The following PLEKHA5 variants were observed in gnomAD, a reference collection of about 807,000 sequenced individuals.
The protein encoded by PLEKHA5 is pleckstrin homology domain-containing family A member 5.
Under a neutral mutation model 181.9 loss-of-function variants are expected in PLEKHA5, and 55 were observed. The observed-to-expected ratio is 0.30, with a 90% confidence interval of 0.24 to 0.38. The LOEUF (loss-of-function observed/expected upper bound fraction) is 0.38, where lower values mean the gene tolerates loss of function less well. PLEKHA5 is among the 10% of genes least tolerant of loss of function. The pLI, the probability that PLEKHA5 is intolerant of heterozygous loss-of-function variation, is 1.00. For synonymous variants in PLEKHA5, 535 were observed against 529.4 expected, an observed-to-expected ratio of 1.01 and a Z score of -0.15; for missense variants, 1,432 against 1,549.5, an observed-to-expected ratio of 0.92 and a Z score of 1.27.
At chr12:19,334,858 A>ATC (rs2093253049) in intron 20 of PLEKHA5, among the ~76,000 whole-genome samples, 1 of 65,654 alleles carries the variant, frequency 1.5e-5, no homozygotes, top group Non-Finnish European at 3.5e-5. Context: ...ATATATATAT[A>ATC]TATATATATA....
Position 19,136,027 on chromosome 12 carries a change from G to A in PLEKHA5, c.227+3577G>A, listed in dbSNP as rs148619565. Among the ~76,000 whole-genome samples, 4 of 151,854 alleles carry A rather than the reference G, an allele frequency of 2.6e-5. No homozygotes were observed. In the East Asian group the frequency reaches 7.8e-4, roughly 30 times the overall value. On this transcript the variant is annotated intron_variant, in intron 3 of 31. Transcript: ENST00000429027. ...TACGAGTAGCTGGGACCACAAGTGT[G>A]TACCACCATGCCTGGCTAATTTGAT...
At chr12:19,197,729 TG>T (rs1335657583) in intron 3 of PLEKHA5, among the ~76,000 whole-genome samples, 3 of 115,914 alleles carry the variant, frequency 2.6e-5, no homozygotes, top group Non-Finnish European at 5.2e-5. Flanking sequence ...TGTGTGTGTG[TG>T]TGTTTAAGTC....
At chr12:19,216,331 C>G (rs148631283) in intron 3 of PLEKHA5, among the ~76,000 whole-genome samples, 11 of 152,190 alleles carry the variant, frequency 7.2e-5, no homozygotes, top group African/African-American at 2.4e-4. Flanking sequence ...ATAGGTGATT[C>G]TTAGAGGTCC....
At chr12:19,328,235 A>T (rs2092445107) in intron 20 of PLEKHA5, among the ~76,000 whole-genome samples, 1 of 152,088 alleles carries the variant, frequency 6.6e-6, no homozygotes, top group Non-Finnish European at 1.5e-5. Flanking sequence ...CTGTAGCCTT[A>T]TAGTATAGTT....
intron 26 of PLEKHA5, among the ~76,000 whole-genome samples, chr12:19,355,643 A>G (rs2094887834): frequency 6.6e-6 from 1 of 152,104 alleles, no homozygotes; most frequent in East Asian, 1.9e-4. Flanking sequence ...GCATTTATAC[A>G]TAGGAAATGT....
chr12:19,162,725 C>T (rs1326270977), intron 3 of PLEKHA5, among the ~76,000 whole-genome samples: 1 of 152,118 alleles, frequency 6.6e-6, no homozygotes, highest in Non-Finnish European at 1.5e-5. Flanking sequence ...ATCTCCCTGC[C>T]TCTCAGTTTG....
chr12:19,269,421 G>A (rs1462146085), intron 8 of PLEKHA5, among the ~76,000 whole-genome samples: 2 of 147,748 alleles, frequency 1.4e-5, no homozygotes, highest in Non-Finnish European at 3.0e-5. Context: ...GGTGTGAATT[G>A]CAGTAAATGG....
chr12:19,284,609 A>G (rs544960345), intron 12 of PLEKHA5, among the ~76,000 whole-genome samples: 3 of 152,194 alleles, frequency 2.0e-5, no homozygotes, highest in Non-Finnish European at 4.4e-5. Flanking sequence ...TTTACTTTGT[A>G]TATTAAGTTG....
At chr12:19,323,198 G>T (rs2091330066) in intron 20 of PLEKHA5, among the ~76,000 whole-genome samples, 1 of 151,886 alleles carries the variant, frequency 6.6e-6, no homozygotes, top group Admixed American at 6.6e-5. Context: ...GTGTTTTACA[G>T]GGGAGATGAG....
chr12:19,192,319 T>A (rs2051340789), intron 3 of PLEKHA5, among the ~76,000 whole-genome samples: 1 of 152,158 alleles, frequency 6.6e-6, no homozygotes, highest in African/African-American at 2.4e-5. Context: ...GAAAGACTGA[T>A]TAAGTTCACT....
At chr12:19,301,754 T>G (rs75285724) in intron 15 of PLEKHA5, among the ~76,000 whole-genome samples, 20,275 of 152,236 alleles carry the variant, frequency 0.13, 1,410 homozygotes, top group African/African-American at 0.17. Flanking sequence ...TTATTCAAAT[T>G]ACTTTAAAAC....
chr12:19,221,129 C>T (rs915415044), intron 3 of PLEKHA5, among the ~76,000 whole-genome samples: 32 of 152,250 alleles, frequency 2.1e-4, no homozygotes, highest in African/African-American at 4.6e-4. Context: ...TATGATTCTG[C>T]AGTCATGCTC....
At chr12:19,356,689 CAG>C (rs1201465983) in intron 26 of PLEKHA5, among the ~76,000 whole-genome samples, 98 of 98,288 alleles carry the variant, frequency 1.0e-3, no homozygotes, top group African/African-American at 3.7e-3. Context: ...TTTTTTGAGA[CAG>C]AGTCTCTCCC....
chr12:19,344,946 TG>T (rs1315765360), intron 22 of PLEKHA5, among the ~76,000 whole-genome samples: 1 of 139,390 alleles, frequency 7.2e-6, no homozygotes, highest in African/African-American at 2.7e-5. Context: ...CCGGCTCTAC[TG>T]AAAAAAAAAA....
At chr12:19,246,605 G>C in intron 3 of PLEKHA5, among the ~76,000 whole-genome samples, 1 of 137,492 alleles carries the variant, frequency 7.3e-6, no homozygotes, top group African/African-American at 2.7e-5. Context: ...CTGGGCAACA[G>C]AGCAAGACCA....
rs570972283 is a variant in PLEKHA5 at position 19,374,622 on chromosome 12, G to A, written c.*12-909G>A. ...TGCAGTGAGCCAAGATTGCGCCACT[G>A]CACTCCAGCCTGGGCGACAGAGCGA... On this transcript the variant is annotated intron_variant, in intron 31 of 31. Transcript: ENST00000429027. Among the ~76,000 whole-genome samples, 283 of 38,588 alleles carry A rather than the reference G, an allele frequency of 7.3e-3. 1 individual carries two copies. Among genetic ancestry groups the A allele is most frequent in the Non-Finnish European group, 0.011 (231 of 21,264 alleles). 25.3% of individuals were successfully genotyped at this position (38,588 alleles called of 152,430 possible). A position where few individuals can be genotyped will look rare whatever the true frequency, so the allele number is the denominator to read the frequency against.
At chr12:19,215,460 ATCC>A (rs988688924) in intron 3 of PLEKHA5, among the ~76,000 whole-genome samples, 53 of 152,220 alleles carry the variant, frequency 3.5e-4, no homozygotes, top group African/African-American at 1.3e-3. Flanking sequence ...CTAACATTTT[ATCC>A]TCATGTGTGT....
At chr12:19,137,851 G>GTGA (rs897853601) in intron 3 of PLEKHA5, among the ~76,000 whole-genome samples, 6 of 152,276 alleles carry the variant, frequency 3.9e-5, no homozygotes, top group Non-Finnish European at 5.9e-5. Flanking sequence ...AGTGGTATCT[G>GTGA]TGATGATGAT....
In PLEKHA5 at chr12:19,327,247, G is replaced by T. The variant is rs376083496; in HGVS notation, c.2448+4580G>T. Among the ~76,000 whole-genome samples the T allele has an allele frequency of 4.3e-3, 601 of 138,296 alleles. 2 individuals are homozygous for T. Among genetic ancestry groups the T allele is most frequent in the African/African-American group, 0.011 (414 of 36,784 alleles). 90.7% of individuals were successfully genotyped at this position (138,296 alleles called of 152,430 possible). On this transcript the variant is annotated intron_variant, in intron 20 of 31. Transcript: ENST00000429027. Reference sequence around the variant, plus strand: ...TGCAGTCTTGCCAGCATCTGTTTTTGTTTTTTTTTTTTTTTTTACTTTTTA... The same window carrying T: ...TGCAGTCTTGCCAGCATCTGTTTTTTTTTTTTTTTTTTTTTTTACTTTTTA...
Sources: allele counts gnomAD v4.1 joint callset (sites outside exome capture counted in the v4.1 genomes callset), GRCh38; gene constraint gnomAD v4.1.1; transcripts MANE v1.5; gene names NCBI Gene and HGNC (gene_info 2026-07-23, HGNC 2026-07-21).